Variants in GPHN observed in about 807,000 individuals in gnomAD.
The protein encoded by GPHN is gephyrin.
A neutral mutation model predicts 95.5 loss-of-function variants in GPHN; 17 were observed. That is an observed-to-expected ratio of 0.18 (90% CI 0.12 to 0.27). The LOEUF (loss-of-function observed/expected upper bound fraction) is 0.27, where lower values mean the gene tolerates loss of function less well. Among genes scored for constraint, GPHN ranks in the 10% least tolerant of loss-of-function variants. GPHN has a pLI of 1.00. For synonymous variants in GPHN, 320 were observed against 322.5 expected, an observed-to-expected ratio of 0.99 and a Z score of 0.08; for missense variants, 660 against 978.1, an observed-to-expected ratio of 0.67 and a Z score of 4.34.
chr14:66,520,039 G>C (rs986260753), intron 1 of GPHN, among the ~76,000 whole-genome samples: 2 of 152,074 alleles, frequency 1.3e-5, no homozygotes, highest in African/African-American at 4.8e-5. Context: ...ATTTCATAGA[G>C]ATCTTCAAAG....
the GPHN span, among the ~76,000 whole-genome samples, chr14:67,508,664 T>A: frequency 1.6e-4 from 24 of 147,460 alleles, no homozygotes; most frequent in Admixed American, 5.0e-4. Flanking sequence ...GAGGATCCCT[T>A]GAGCCCAGGA....
downstream of GPHN, among the ~76,000 whole-genome samples, chr14:67,183,058 C>T (rs1183581170): frequency 6.6e-6 from 1 of 151,556 alleles, no homozygotes; most frequent in African/African-American, 2.4e-5. Flanking sequence ...GATGATAGCA[C>T]AGGAAAAAGA....
chr14:67,118,210 A>G (rs1328159474), intron 16 of GPHN, among the ~76,000 whole-genome samples: 1 of 152,216 alleles, frequency 6.6e-6, no homozygotes, highest in East Asian at 1.9e-4. Flanking sequence ...GAAAATTAGT[A>G]ACTCCTAAAG....
chr14:67,198,975 C>G, the GPHN span: 1 of 703,564 alleles, frequency 1.4e-6, no homozygotes, highest in South Asian at 1.5e-5. Context: ...ATTCGAGAAG[C>G]TGCTCAGCTG....
At chr14:66,807,215 A>G (rs573694180) in intron 3 of GPHN, among the ~76,000 whole-genome samples, 2 of 152,290 alleles carry the variant, frequency 1.3e-5, no homozygotes, top group South Asian at 2.1e-4. Context: ...TCACAAGAAC[A>G]GCACAGGAAA....
At chr14:67,283,748 A>G in the GPHN span, among the ~76,000 whole-genome samples, 2 of 152,336 alleles carry the variant, frequency 1.3e-5, no homozygotes, top group Middle Eastern at 3.4e-3. Context: ...GAGTATATGT[A>G]TAGTAATGTA....
intron 1 of GPHN, among the ~76,000 whole-genome samples, chr14:66,612,667 A>T (rs1023566690): frequency 1.6e-4 from 25 of 152,080 alleles, no homozygotes; most frequent in African/African-American, 5.8e-4. Flanking sequence ...CCCCCTTTCA[A>T]AGTATAGATA....
At chr14:67,006,042 G>A (rs1280406510) in intron 9 of GPHN, among the ~76,000 whole-genome samples, 1 of 147,574 alleles carries the variant, frequency 6.8e-6, no homozygotes, top group Non-Finnish European at 1.5e-5. Flanking sequence ...AAAATAAAAG[G>A]AAGGGAGGCA....
chr14:67,557,304 T>G, the GPHN span: 1 of 1,613,688 alleles, frequency 6.2e-7, no homozygotes, highest in East Asian at 2.2e-5. Flanking sequence ...AACTATCCAA[T>G]CTGAAGAATG....
At chr14:67,206,194 A>G in the GPHN span, among the ~76,000 whole-genome samples, 1 of 151,650 alleles carries the variant, frequency 6.6e-6, no homozygotes, top group Non-Finnish European at 1.5e-5. Flanking sequence ...AAAACACAAA[A>G]CAAAAGAAAA....
intron 18 of GPHN, among the ~76,000 whole-genome samples, chr14:67,151,506 G>A (rs539800468): frequency 2.0e-5 from 3 of 152,302 alleles, no homozygotes; most frequent in South Asian, 2.1e-4. Context: ...CTTATTGGCC[G>A]TGTGCAGAAA....
intron 11 of GPHN, among the ~76,000 whole-genome samples, chr14:67,082,453 G>T (rs2076729422): frequency 6.6e-6 from 1 of 152,028 alleles, no homozygotes; most frequent in Non-Finnish European, 1.5e-5. Flanking sequence ...ACACATGAAG[G>T]TTTATTTCTA....
the GPHN span, among the ~76,000 whole-genome samples, chr14:67,688,613 T>C: frequency 6.6e-5 from 10 of 151,702 alleles, no homozygotes; most frequent in Non-Finnish European, 1.2e-4. Flanking sequence ...TTTTTTTTTT[T>C]TGGTAGAGGA....
At chr14:66,980,757 A>AGAT in intron 9 of GPHN, among the ~76,000 whole-genome samples, 1 of 152,364 alleles carries the variant, frequency 6.6e-6, no homozygotes, top group South Asian at 2.1e-4. Flanking sequence ...CCTTTAAAAA[A>AGAT]GATGATTTCC....
the GPHN span, among the ~76,000 whole-genome samples, chr14:67,465,556 G>A: frequency 6.6e-6 from 1 of 152,192 alleles, no homozygotes; most frequent in Non-Finnish European, 1.5e-5. Flanking sequence ...ATCTTGGGAT[G>A]CCTAAATCCT....
chr14:67,204,391 A>T, the GPHN span: 2 of 1,153,800 alleles, frequency 1.7e-6, no homozygotes, highest in Non-Finnish European at 2.3e-6. Context: ...GTGAGCCATG[A>T]TCGCATCACC....
downstream of GPHN, among the ~76,000 whole-genome samples, chr14:67,184,055 G>A (rs1330832682): frequency 6.6e-6 from 1 of 151,888 alleles, no homozygotes; most frequent in Non-Finnish European, 1.5e-5. Flanking sequence ...GAACACCTGG[G>A]CTCAAGTGAT....
At chr14:66,995,217 G>A (rs1054594586) in intron 9 of GPHN, among the ~76,000 whole-genome samples, 4 of 152,126 alleles carry the variant, frequency 2.6e-5, no homozygotes, top group African/African-American at 9.7e-5. Flanking sequence ...GTGTGACAAC[G>A]TAGAAAATAA....
the GPHN span, among the ~76,000 whole-genome samples, chr14:67,632,718 T>G: frequency 1.3e-5 from 2 of 150,332 alleles, no homozygotes; most frequent in East Asian, 3.9e-4. Context: ...AAGATTCACA[T>G]AAATTTGAAA....
Sources: allele counts gnomAD v4.1 joint callset (sites outside exome capture counted in the v4.1 genomes callset), GRCh38; gene constraint gnomAD v4.1.1; transcripts MANE v1.5; gene names NCBI Gene and HGNC (gene_info 2026-07-23, HGNC 2026-07-21).